The following AGBL1 variants were observed in gnomAD, a reference collection of about 807,000 sequenced individuals.
The protein encoded by AGBL1 is AGBL carboxypeptidase 1.
In AGBL1, 130 loss-of-function variants were observed where a neutral mutation model predicts 118.9. That is an observed-to-expected ratio of 1.09 (90% CI 0.95 to 1.26). AGBL1 has a LOEUF of 1.26. AGBL1 is among the 50% of genes most tolerant of loss of function. AGBL1 has a pLI of 0.00. For missense variants in AGBL1, 1,584 were observed against 1,298.1 expected, an observed-to-expected ratio of 1.22 and a Z score of -3.38; for synonymous variants, 555 against 478.9, an observed-to-expected ratio of 1.16 and a Z score of -2.08.
At chr15:86,722,980 C>T (rs1239218109) in intron 22 of AGBL1, among the ~76,000 whole-genome samples, 1 of 144,696 alleles carries the variant, frequency 6.9e-6, no homozygotes, top group Admixed American at 7.1e-5. Flanking sequence ...GTTAGAATGG[C>T]CATCATTAAA....
At position 86,215,225 on chromosome 15, in the gene AGBL1, G is replaced by A. The variant is rs759105938; in HGVS notation, c.489-9689G>A. ...TGTGTGTGTGAGTGTATATGTATGC[G>A]TGTGTGTGTGTGTGTGTGTGTGTGT... On this transcript the variant is annotated intron_variant, in intron 5 of 22. Transcript: ENST00000614907. Among the ~76,000 whole-genome samples the A allele has an allele frequency of 3.7e-4, 7 of 18,950 alleles. No homozygotes were observed. The South Asian group carries it at 0.011, about 29-fold the overall frequency. 12.4% of individuals were successfully genotyped at this position (18,950 alleles called of 152,430 possible). A position where few individuals can be genotyped will look rare whatever the true frequency, so the allele number is the denominator to read the frequency against.
chr15:86,249,153 C>T (rs2141995937), intron 7 of AGBL1, among the ~76,000 whole-genome samples: 1 of 152,196 alleles, frequency 6.6e-6, no homozygotes, highest in Non-Finnish European at 1.5e-5. Flanking sequence ...TATAAGTGTT[C>T]CAGTATCCAT....
chr15:86,507,308 A>G (rs1253926760), intron 18 of AGBL1, among the ~76,000 whole-genome samples: 3 of 152,136 alleles, frequency 2.0e-5, no homozygotes, highest in African/African-American at 7.2e-5. Flanking sequence ...CTGTACTCAA[A>G]CTGCAACTAT....
intron 16 of AGBL1, among the ~76,000 whole-genome samples, chr15:86,290,846 C>T (rs900801638): frequency 2.6e-5 from 4 of 151,888 alleles, no homozygotes; most frequent in Admixed American, 6.6e-5. Context: ...CCCCTTCCCC[C>T]GACCCCACAA....
At position 86,295,364 on chromosome 15, in the gene AGBL1, C is replaced by A. The variant is rs376945285; in HGVS notation, c.2330C>A (p.Thr777Lys). The A allele has an allele frequency of 6.2e-7, 1 of 1,609,410 alleles. No homozygotes were observed. The highest frequency in any genetic ancestry group is 2.2e-5 in the East Asian group (1 of 44,838). The change falls in exon 17 of 23, where the codon ACG becomes AAG. Residue 777 changes from threonine to lysine, a missense_variant. Thr to Lys is a moderately conservative substitution (Grantham distance 78). Transcript: ENST00000614907. ...AATCCGTGTCCCTTGGTGACCATCA[C>A]GGCCATGCCTGAGTCCAACAGTGAT... ...GGNPCPLVTI[T>K]AMPESNSDEH...
chr15:86,638,951 G>A (rs553154965), intron 21 of AGBL1, among the ~76,000 whole-genome samples: 22 of 152,148 alleles, frequency 1.4e-4, no homozygotes, highest in Middle Eastern at 3.4e-3. Context: ...AGTTCTCTCC[G>A]TGCTGGTAGA....
chr15:86,755,021 C>T (rs543941049), intron 22 of AGBL1, among the ~76,000 whole-genome samples: 69 of 152,186 alleles, frequency 4.5e-4, no homozygotes, highest in African/African-American at 1.5e-3. Flanking sequence ...TATCAGAAAC[C>T]TTTCATTGCA....
intron 5 of AGBL1, among the ~76,000 whole-genome samples, chr15:86,189,811 G>A (rs1435518833): frequency 6.6e-6 from 1 of 152,118 alleles, no homozygotes; most frequent in Non-Finnish European, 1.5e-5. Flanking sequence ...TTCCTTTATA[G>A]CAACACACAA....
chr15:86,970,843 C>T (rs559946580), intron 23 of AGBL1, among the ~76,000 whole-genome samples: 1 of 151,946 alleles, frequency 6.6e-6, no homozygotes, highest in Non-Finnish European at 1.5e-5. Context: ...TCTACAGATT[C>T]AACGAACTGA....
chr15:86,081,432 C>T (rs1439546484), intron 1 of AGBL1, among the ~76,000 whole-genome samples: 1 of 152,194 alleles, frequency 6.6e-6, no homozygotes, highest in Non-Finnish European at 1.5e-5. Context: ...GAAACGGAAT[C>T]TCAGAAGTGA....
At chr15:86,155,208 C>T (rs1354486331) in intron 4 of AGBL1, among the ~76,000 whole-genome samples, 1 of 152,168 alleles carries the variant, frequency 6.6e-6, no homozygotes, top group Non-Finnish European at 1.5e-5. Context: ...TGGCTCACGC[C>T]TGTAATCCCA....
At position 86,130,658 on chromosome 15, in the gene AGBL1, A is replaced by AT. The variant is rs549920718; in HGVS notation, c.52-11339dup. Among the ~76,000 whole-genome samples the AT allele has an allele frequency of 2.6e-4, 40 of 152,182 alleles. No homozygotes were observed. In the South Asian group the frequency reaches 7.7e-3, roughly 29 times the overall value. Reference sequence around the variant, plus strand: ...TTTGCAGTTTAAATGCTTGGTATAGATTTTTTTCTTTTTCACTGTCATGCA... The same window carrying AT: ...TTTGCAGTTTAAATGCTTGGTATAGATTTTTTTTCTTTTTCACTGTCATGCA... On this transcript the variant is annotated intron_variant, in intron 1 of 22. Transcript: ENST00000614907.
rs990751287 is a variant in AGBL1, at chr15:86,519,803, C to A, written c.2556-3007C>A. ...GACAACAAACAAACCAAATTTTCCCCAAAATAAGAGCTTTCTTAAGTTCTG... is the reference window on the plus strand; with the variant it reads ...GACAACAAACAAACCAAATTTTCCCAAAAATAAGAGCTTTCTTAAGTTCTG... On this transcript the variant is annotated intron_variant, in intron 18 of 22. Transcript: ENST00000614907. Among the ~76,000 whole-genome samples the A allele has an allele frequency of 7.2e-5, 11 of 152,284 alleles. No individual in the cohort carries two copies. In the East Asian group the frequency reaches 2.1e-3, roughly 29 times the overall value.
At chr15:86,226,533 T>C (rs2078366781) in intron 6 of AGBL1, among the ~76,000 whole-genome samples, 1 of 152,190 alleles carries the variant, frequency 6.6e-6, no homozygotes, top group African/African-American at 2.4e-5. Context: ...CTGATATAAA[T>C]TGTACCTACC....
chr15:86,845,604 G>A (rs1567203734), intron 22 of AGBL1, among the ~76,000 whole-genome samples: 2 of 152,030 alleles, frequency 1.3e-5, no homozygotes, highest in Admixed American at 1.3e-4. Flanking sequence ...CCCATATATT[G>A]AGAAATGTAT....
chr15:86,792,534 T>C (rs1235628997), intron 22 of AGBL1, among the ~76,000 whole-genome samples: 4 of 152,184 alleles, frequency 2.6e-5, no homozygotes, highest in African/African-American at 4.8e-5. Flanking sequence ...TGGGTTCATA[T>C]TATGAAGAAA....
intron 1 of AGBL1, among the ~76,000 whole-genome samples, chr15:86,132,587 T>C (rs1192762178): frequency 3.3e-5 from 5 of 152,206 alleles, no homozygotes; most frequent in African/African-American, 7.2e-5. Context: ...AAAGACTTCA[T>C]AGACTTCCTA....
chr15:86,271,845 G>C (rs191325642), intron 15 of AGBL1, 139 bp downstream of exon 15: 4 of 766,004 alleles, frequency 5.2e-6, no homozygotes, highest in Non-Finnish European at 8.7e-6. Context: ...CTAATGGCCA[G>C]TGTCCGGCCC....
chr15:86,120,111 A>C (rs1056216261), intron 1 of AGBL1, among the ~76,000 whole-genome samples: 1 of 152,040 alleles, frequency 6.6e-6, no homozygotes, highest in African/African-American at 2.4e-5. Flanking sequence ...CTATAGGATA[A>C]AATCTAAACT....
Sources: allele counts gnomAD v4.1 joint callset (sites outside exome capture counted in the v4.1 genomes callset), GRCh38; gene constraint gnomAD v4.1.1; transcripts MANE v1.5; gene names NCBI Gene and HGNC (gene_info 2026-07-23, HGNC 2026-07-21).